TMEFF2: variants seen among roughly 807,000 people sequenced by gnomAD.
TMEFF2 encodes the protein transmembrane protein with EGF like and two follistatin like domains 2, also known as tomoregulin-2.
In TMEFF2, 28 loss-of-function variants were observed where a neutral mutation model predicts 53.8. The ratio of observed to expected loss-of-function variants is 0.52; its 90% CI spans 0.39 to 0.71. The LOEUF (loss-of-function observed/expected upper bound fraction) is 0.71. Ranked by LOEUF, TMEFF2 falls within the 30% of genes least tolerant of loss-of-function variation. The pLI, the probability that TMEFF2 is intolerant of heterozygous loss-of-function variation, is 0.00. For synonymous variants in TMEFF2, 162 were observed against 166.3 expected (o/e 0.97, Z 0.20); for missense variants, 353 against 455.2 (o/e 0.78, Z 2.04).
intron 4 of TMEFF2, among the ~76,000 whole-genome samples, chr2:192,113,490 CATATTT>C (rs1217683933): frequency 6.6e-6 from 1 of 152,062 alleles, no homozygotes; most frequent in African/African-American, 2.4e-5. Context: ...GATTATAGAA[CATATTT>C]TTGTTTGGGA....
chr2:192,071,685 T>C (rs1688296823), intron 4 of TMEFF2, among the ~76,000 whole-genome samples: 1 of 151,922 alleles, frequency 6.6e-6, no homozygotes, highest in South Asian at 2.1e-4. Flanking sequence ...TCTCATCTAC[T>C]TTAAATCATC....
At chr2:192,162,161 C>T (rs1690649536) in intron 4 of TMEFF2, among the ~76,000 whole-genome samples, 1 of 152,118 alleles carries the variant, frequency 6.6e-6, no homozygotes, top group South Asian at 2.1e-4. Flanking sequence ...AGTAAACTTA[C>T]TTAGGAGACA....
At chr2:192,134,874 G>A (rs1689960063) in intron 4 of TMEFF2, among the ~76,000 whole-genome samples, 1 of 151,990 alleles carries the variant, frequency 6.6e-6, no homozygotes, top group Non-Finnish European at 1.5e-5. Context: ...ATTTTTTCAG[G>A]CTCTTAGTAT....
chr2:192,148,803 G>T (rs563863117), intron 4 of TMEFF2, among the ~76,000 whole-genome samples: 1 of 152,022 alleles, frequency 6.6e-6, no homozygotes, highest in African/African-American at 2.4e-5. Flanking sequence ...CTTTATTTAC[G>T]ATTCATTTTT....
At position 192,194,306 on chromosome 2, in the gene TMEFF2, G is replaced by A; in HGVS notation, c.172+47C>T. 1 of 1,606,044 alleles carries A rather than the reference G, an allele frequency of 6.2e-7. No homozygotes were observed. Among genetic ancestry groups the A allele is most frequent in the Non-Finnish European group, 8.5e-7 (1 of 1,174,658 alleles). On this transcript the variant is annotated intron_variant, in intron 1 of 9. Coordinates refer to ENST00000272771, the MANE Select transcript of TMEFF2 (RefSeq NM_016192.4). This position sits in a 1 kb window ranked among gnomAD's most constrained non-coding sequence, Gnocchi z 4.2. ...AGGCTGGTCTGTGCTGGATACGCGTGTTCTTCTGCGGAGTTAAAGGGTCGG... is the reference window on the plus strand; with the variant it reads ...AGGCTGGTCTGTGCTGGATACGCGTATTCTTCTGCGGAGTTAAAGGGTCGG...
intron 4 of TMEFF2, among the ~76,000 whole-genome samples, chr2:192,154,432 G>C (rs1447029584): frequency 6.6e-6 from 1 of 151,910 alleles, no homozygotes; most frequent in Non-Finnish European, 1.5e-5. Flanking sequence ...TTAAATTTCT[G>C]ACTTAGCCAT....
At chr2:192,013,366 G>A (rs1686674984) in intron 5 of TMEFF2, among the ~76,000 whole-genome samples, 1 of 151,928 alleles carries the variant, frequency 6.6e-6, no homozygotes, top group Non-Finnish European at 1.5e-5. Flanking sequence ...TACTTGCATG[G>A]CTCAAATATT....
At chr2:192,003,910 A>C (rs1310162569) in intron 5 of TMEFF2, among the ~76,000 whole-genome samples, 1 of 88,044 alleles carries the variant, frequency 1.1e-5, no homozygotes, top group East Asian at 3.6e-4. Flanking sequence ...TATGAGTGAA[A>C]AAATTTGTGT....
chr2:191,984,678 T>C (rs904533764), intron 7 of TMEFF2, among the ~76,000 whole-genome samples: 3 of 149,342 alleles, frequency 2.0e-5, no homozygotes, highest in African/African-American at 7.3e-5. Flanking sequence ...TCTGAAACAT[T>C]CTAAACATGT....
chr2:192,017,412 T>C (rs1292308046), intron 5 of TMEFF2, among the ~76,000 whole-genome samples: 5 of 152,112 alleles, frequency 3.3e-5, no homozygotes, highest in African/African-American at 7.2e-5. Context: ...ATTGGAGAGA[T>C]TGAGACAGGA....
At chr2:191,983,702 C>T (rs1685909954) in intron 7 of TMEFF2, among the ~76,000 whole-genome samples, 2 of 152,080 alleles carry the variant, frequency 1.3e-5, no homozygotes, top group South Asian at 2.1e-4. Context: ...CAAACTGTGG[C>T]TCTGGGATAC....
rs977110998 is a variant in TMEFF2 at position 192,194,782 on chromosome 2, C to T, written c.-258G>A. On this transcript the variant is annotated 5_prime_UTR_variant, in exon 1 of 10. Coordinates refer to ENST00000272771, the MANE Select transcript of TMEFF2 (RefSeq NM_016192.4). The surrounding 1 kb of genome is among the most constrained non-coding windows in gnomAD (Gnocchi z 4.2). ...GCGCCGGAGACGCGGGAAGCTGCTG[C>T]CATAAGGAGGGAGCTCTGGGAAGCC... 9.6e-5 allele frequency: 50 copies of T among 520,100 alleles called. No individual in the cohort carries two copies. Among genetic ancestry groups the T allele is most frequent in the African/African-American group, 9.1e-4 (47 of 51,836 alleles). 32.2% of individuals were successfully genotyped at this position (520,100 alleles called of 1,614,324 possible).
intron 5 of TMEFF2, among the ~76,000 whole-genome samples, chr2:192,013,669 C>G (rs915842077): frequency 6.6e-6 from 1 of 152,154 alleles, no homozygotes; most frequent in African/African-American, 2.4e-5. Context: ...AGGCTAGTCT[C>G]AAACTCCTGA....
At chr2:192,015,958 A>G (rs772687628) in intron 5 of TMEFF2, among the ~76,000 whole-genome samples, 1 of 152,238 alleles carries the variant, frequency 6.6e-6, no homozygotes, top group Non-Finnish European at 1.5e-5. Context: ...AAGTTTTCAC[A>G]GGACAAGACA....
intron 4 of TMEFF2, among the ~76,000 whole-genome samples, chr2:192,112,354 T>C (rs143198534): frequency 0.062 from 9,387 of 152,226 alleles, 830 homozygotes; most frequent in East Asian, 0.45. Context: ...GGAGATCATT[T>C]TGGAGCTTTA....
At chr2:191,999,797 A>G (rs1313230121) in intron 5 of TMEFF2, among the ~76,000 whole-genome samples, 1 of 152,018 alleles carries the variant, frequency 6.6e-6, no homozygotes, top group East Asian at 1.9e-4. Context: ...AATGAAAGCT[A>G]TAGATCTCTC....
At chr2:191,951,445 AAGT>A (rs1436693739) in intron 9 of TMEFF2, among the ~76,000 whole-genome samples, 1 of 152,096 alleles carries the variant, frequency 6.6e-6, no homozygotes, top group Non-Finnish European at 1.5e-5. Flanking sequence ...TAAAAAAAGA[AAGT>A]AGAAAGAAGG....
intron 4 of TMEFF2, among the ~76,000 whole-genome samples, chr2:192,111,830 C>G (rs1251159209): frequency 6.6e-6 from 1 of 152,188 alleles, no homozygotes; most frequent in African/African-American, 2.4e-5. Flanking sequence ...CCCAGCAACT[C>G]TAGCCATGGC....
At chr2:192,047,873 C>T (rs1244417108) in intron 5 of TMEFF2, among the ~76,000 whole-genome samples, 1 of 152,140 alleles carries the variant, frequency 6.6e-6, no homozygotes, top group Non-Finnish European at 1.5e-5. Context: ...GATGAGTCAA[C>T]ACATACAATA....
Sources: gnomAD v4.1 joint callset for allele counts (sites outside exome capture counted in the v4.1 genomes callset) on GRCh38, gnomAD v4.1.1 for gene constraint, Gnocchi (gnomAD v3.1) non-coding constraint, MANE v1.5 for transcripts, NCBI Gene and HGNC (gene_info 2026-07-23, HGNC 2026-07-21) for gene names.